DRC8: variants seen among roughly 807,000 people sequenced by gnomAD.
The protein encoded by DRC8 is dynein regulatory complex subunit 8.
chr1:245,081,404 A>G, the DRC8 span, among the ~76,000 whole-genome samples: 5 of 151,930 alleles, frequency 3.3e-5, no homozygotes, highest in African/African-American at 9.7e-5. Flanking sequence ...CTCGTGATCC[A>G]CCCACCTCGG....
At chr1:245,074,513 C>T in the DRC8 span, among the ~76,000 whole-genome samples, 2 of 152,110 alleles carry the variant, frequency 1.3e-5, no homozygotes, top group Non-Finnish European at 2.9e-5. Context: ...ACTGCTGCAG[C>T]CTTTCCCCCA....
chr1:245,088,315 G>GACACACACACACACACACACACACACAC, the DRC8 span, among the ~76,000 whole-genome samples: 1 of 145,488 alleles, frequency 6.9e-6, no homozygotes, highest in African/African-American at 2.6e-5. This position sits in a 1 kb window ranked among gnomAD's most constrained non-coding sequence, Gnocchi z 4.6. Flanking sequence ...GTTATAACAA[G>GACACACACACACACACACACACACACAC]ACACACACAC....
At chr1:245,042,781 C>T in the DRC8 span, among the ~76,000 whole-genome samples, 3 of 152,022 alleles carry the variant, frequency 2.0e-5, no homozygotes, top group South Asian at 4.1e-4. Flanking sequence ...CTGGTCTTCA[C>T]TTTGGTGTTT....
the DRC8 span, among the ~76,000 whole-genome samples, chr1:245,006,304 GTTTA>G: frequency 0.82 from 124,199 of 150,764 alleles, 51,288 homozygotes; most frequent in East Asian, 1. Context: ...AGTGATGAGT[GTTTA>G]TTTATTTATT....
the DRC8 span, chr1:244,970,664 C>CCCCCG: frequency 5.1e-5 from 3 of 58,306 alleles, no homozygotes; most frequent in African/African-American, 5.4e-5. Flanking sequence ...CCGCCTCTCT[C>CCCCCG]CCCCGCCCCG....
the DRC8 span, among the ~76,000 whole-genome samples, chr1:245,084,168 G>A: frequency 3.0e-5 from 4 of 134,724 alleles, no homozygotes; most frequent in Non-Finnish European, 6.1e-5. Flanking sequence ...TGCAACCTCC[G>A]CCTCCTGGGT....
the DRC8 span, among the ~76,000 whole-genome samples, chr1:245,010,117 T>C: frequency 6.6e-6 from 1 of 152,160 alleles, no homozygotes; most frequent in Non-Finnish European, 1.5e-5. Flanking sequence ...CACCTCGGCC[T>C]CCCAAAGTGC....
the DRC8 span, among the ~76,000 whole-genome samples, chr1:244,997,325 C>A: frequency 6.6e-6 from 1 of 152,034 alleles, no homozygotes; most frequent in African/African-American, 2.4e-5. Flanking sequence ...TATAGACTAC[C>A]CCTCTCATCT....
the DRC8 span, among the ~76,000 whole-genome samples, chr1:244,993,270 C>T: frequency 6.6e-6 from 1 of 152,212 alleles, no homozygotes; most frequent in Non-Finnish European, 1.5e-5. Context: ...CTGGCTACCA[C>T]AGTCTGCCTT....
At chr1:245,065,973 A>G in the DRC8 span, among the ~76,000 whole-genome samples, 1 of 152,010 alleles carries the variant, frequency 6.6e-6, no homozygotes, top group Non-Finnish European at 1.5e-5. Flanking sequence ...ATTTTACCCT[A>G]GTTCCCCTAA....
chr1:245,008,428 A>G, the DRC8 span, among the ~76,000 whole-genome samples: 1 of 152,190 alleles, frequency 6.6e-6, no homozygotes, highest in Non-Finnish European at 1.5e-5. Flanking sequence ...TTAAAGGTGG[A>G]ACTTGAGCTT....
chr1:245,105,152 T>G, the DRC8 span, among the ~76,000 whole-genome samples: 3 of 152,180 alleles, frequency 2.0e-5, no homozygotes, highest in Admixed American at 2.0e-4. Flanking sequence ...TCCTTGCAAA[T>G]CAACTTCATT....
the DRC8 span, chr1:244,970,361 G>T: frequency 6.5e-7 from 1 of 1,530,072 alleles, no homozygotes. Flanking sequence ...GAGCAGGCCG[G>T]GACACCGCGG....
chr1:245,078,474 C>CAT, the DRC8 span, among the ~76,000 whole-genome samples: 2 of 109,138 alleles, frequency 1.8e-5, no homozygotes, highest in African/African-American at 6.6e-5. Context: ...CACACACACA[C>CAT]GTATGTAATG....
chr1:245,007,723 A>G, the DRC8 span, among the ~76,000 whole-genome samples: 1 of 152,194 alleles, frequency 6.6e-6, no homozygotes, highest in Non-Finnish European at 1.5e-5. Context: ...GTATGGGGCT[A>G]TGAGTAGCAA....
At chr1:244,970,385 T>C in the DRC8 span, 1 of 1,535,672 alleles carries the variant, frequency 6.5e-7, no homozygotes, top group Non-Finnish European at 8.7e-7. Context: ...AGGTTATCGT[T>C]AGGCATCTCC....
At chr1:245,024,807 G>A in the DRC8 span, among the ~76,000 whole-genome samples, 1 of 152,118 alleles carries the variant, frequency 6.6e-6, no homozygotes, top group African/African-American at 2.4e-5. Context: ...GCCTCCCAAA[G>A]TGCTGGGATT....
chr1:245,106,215 A>G, the DRC8 span, among the ~76,000 whole-genome samples: 3 of 152,044 alleles, frequency 2.0e-5, no homozygotes, highest in African/African-American at 7.2e-5. Context: ...TTCTTCCCTT[A>G]TTAGTTTCTG....
chr1:244,986,080 C>A, the DRC8 span, among the ~76,000 whole-genome samples: 1 of 151,590 alleles, frequency 6.6e-6, no homozygotes, highest in South Asian at 2.1e-4. Flanking sequence ...CTCAGCCTCC[C>A]GAGTAGCTGG....
Sources: allele counts gnomAD v4.1 joint callset (sites outside exome capture counted in the v4.1 genomes callset), GRCh38; gene constraint gnomAD v4.1.1; non-coding constraint Gnocchi (gnomAD v3.1); transcripts MANE v1.5; gene names NCBI Gene and HGNC (gene_info 2026-07-23, HGNC 2026-07-21).